Variants in FBXL5 observed in about 807,000 individuals in gnomAD.
FBXL5 encodes F-box and leucine rich repeat protein 5, also known as F-box/LRR-repeat protein 5.
A neutral mutation model predicts 78.3 loss-of-function variants in FBXL5; 26 were observed. The observed-to-expected ratio is 0.33, with a 90% CI of 0.24 to 0.46. The LOEUF (loss-of-function observed/expected upper bound fraction) is 0.46, where lower values mean the gene tolerates loss of function less well. Ranked by LOEUF, FBXL5 falls within the 20% of genes least tolerant of loss-of-function variation. FBXL5 has a pLI of 1.00. For missense variants in FBXL5, 710 were observed against 829.2 expected, an observed-to-expected ratio of 0.86 and a Z score of 1.77; for synonymous variants, 295 against 282.5, an observed-to-expected ratio of 1.04 and a Z score of -0.45.
chr4:15,681,550 GTC>G (rs1718275466), exon 1 of FBXL5: 1 of 154,616 alleles, frequency 6.5e-6, no homozygotes, highest in Non-Finnish European at 1.5e-5. Flanking sequence ...TCTCCGCGGT[GTC>G]TCCTAGGGTT....
chr4:15,673,800 C>G (rs1717858231), intron 1 of FBXL5, among the ~76,000 whole-genome samples: 1 of 152,154 alleles, frequency 6.6e-6, no homozygotes, highest in African/African-American at 2.4e-5. Context: ...TCACCAGGCT[C>G]CAGGCTCTAT....
At chr4:15,668,672 TA>T (rs1205973899) in intron 1 of FBXL5, among the ~76,000 whole-genome samples, 1 of 152,118 alleles carries the variant, frequency 6.6e-6, no homozygotes, top group African/African-American at 2.4e-5. Flanking sequence ...TCTTCAAAAT[TA>T]AAAAAGCTAT....
intron 1 of FBXL5, among the ~76,000 whole-genome samples, chr4:15,672,675 G>A (rs1717814933): frequency 6.6e-6 from 1 of 152,146 alleles, no homozygotes; most frequent in Non-Finnish European, 1.5e-5. Context: ...GAAAGTGAAG[G>A]CCTAGGACAT....
chr4:15,616,589 G>A (rs1467643846), intron 9 of FBXL5, among the ~76,000 whole-genome samples: 1 of 152,158 alleles, frequency 6.6e-6, no homozygotes, highest in Non-Finnish European at 1.5e-5. Context: ...CCATTCAATT[G>A]AAACTGTTAC....
chr4:15,655,039 G>GGGCA (rs1560242752), intron 1 of FBXL5, among the ~76,000 whole-genome samples, 165 bp downstream of exon 1: 1 of 150,894 alleles, frequency 6.6e-6, no homozygotes, highest in Non-Finnish European at 1.5e-5. Context: ...CGCAGCGGGC[G>GGGCA]GGCAGGCTGC....
rs1286209838 is a variant in FBXL5 at position 15,625,287 on chromosome 4, T to C, written c.1815A>G (p.Leu605=). Residue 605 remains leucine, a synonymous_variant, in exon 9 of 11, where the codon TTA becomes TTG. Coordinates refer to ENST00000341285, the MANE Select transcript of FBXL5 (RefSeq NM_012161.4). ...ETGRVLLFLS[L]SGCYQITDHG... is the part of the protein sequence containing the mutation. ...GGTCTGTGATCTGATAACATCCAGA[T>C]AAACTGAGAAACAGAAGTACACGTC... is the stretch of plus-strand genomic sequence containing the variant. The C allele has an allele frequency of 6.2e-7, 1 of 1,613,694 alleles. No homozygotes were observed. The highest frequency in any genetic ancestry group is 8.5e-7 in the Non-Finnish European group (1 of 1,179,746).
chr4:15,605,458 A>G lies in FBXL5; in HGVS notation c.*265T>C, dbSNP rs1340732364. The G allele has an allele frequency of 1.4e-5, 5 of 350,760 alleles. No homozygotes were observed. The highest frequency in any genetic ancestry group is 2.1e-5 in the Non-Finnish European group (4 of 188,450). The allele number at this position is 350,760 out of a possible 1,614,324, so 21.7% of individuals were successfully genotyped here. On this transcript the variant is annotated 3_prime_UTR_variant, in exon 11 of 11. Transcript: ENST00000341285. The stretch of plus-strand genomic sequence containing the variant: ...TGACATGGCATTACCAACATTCTTT[A>G]AAGCATTTCATTTAAAAGAAAAATG...
In FBXL5 at chr4:15,612,340, G is replaced by A; in HGVS notation, c.1925C>T (p.Ala642Val). The A allele has an allele frequency of 6.2e-7, 1 of 1,612,750 alleles. No individual in the cohort carries two copies. The change falls in exon 10 of 11, where the codon GCA (alanine) becomes GTA (valine). Residue 642 changes from alanine (A) to valine (V), a missense_variant. This residue lies in a region of FBXL5 where 58 missense variants were observed against 112.3 expected (regional missense o/e 0.52). Coordinates refer to ENST00000341285, the MANE Select transcript of FBXL5 (RefSeq NM_012161.4). ...TGCTGAAACCAAATCCTGCAGGCCT[G>A]CACCAGTTATAGTAAGACAACCAGA... ...NLSGCLTITGAGLQDLVSACP... is the reference protein window; with the variant it reads ...NLSGCLTITGVGLQDLVSACP...
upstream of FBXL5, chr4:15,659,843 G>T: frequency 2.0e-6 from 1 of 507,864 alleles, no homozygotes; most frequent in Non-Finnish European, 2.5e-6. Context: ...CATGTGTATG[G>T]CCTGAGGGAA....
chr4:15,634,228 G>A (rs930954270), intron 5 of FBXL5, among the ~76,000 whole-genome samples: 3 of 151,802 alleles, frequency 2.0e-5, no homozygotes, highest in East Asian at 1.9e-4. Context: ...TCTGTCACCC[G>A]GATTGGAGTA....
chr4:15,644,480 T>C lies in FBXL5; in HGVS notation c.300+13A>G. 29 of 1,588,708 alleles carry C rather than the reference T, an allele frequency of 1.8e-5. No homozygotes were observed. Among genetic ancestry groups the C allele is most frequent in the Non-Finnish European group, 2.2e-5 (26 of 1,166,936 alleles). ...CAAGTTTTGACAGTTGAATATCCAT[T>C]TTTGCAACTTACCTTAACATTCTTC... On this transcript the variant is annotated intron_variant, in intron 2 of 10. Coordinates refer to ENST00000341285, the MANE Select transcript of FBXL5 (RefSeq NM_012161.4).
At chr4:15,667,422 AT>A (rs899537718) in intron 1 of FBXL5, among the ~76,000 whole-genome samples, 13 of 151,924 alleles carry the variant, frequency 8.6e-5, no homozygotes, top group African/African-American at 3.1e-4. Context: ...GGAAATATTC[AT>A]TTCATCCAAA....
At chr4:15,656,269 C>T (rs1288815707), upstream of FBXL5, 1 of 456,212 alleles carries the variant, frequency 2.2e-6, no homozygotes, top group African/African-American at 2.0e-5. Flanking sequence ...TCGCCTGGCC[C>T]TGGCCACAGA....
intron 1 of FBXL5, among the ~76,000 whole-genome samples, chr4:15,670,767 G>A (rs565611457): frequency 3.3e-5 from 5 of 151,970 alleles, no homozygotes; most frequent in Admixed American, 3.3e-4. Context: ...CAGACCATGG[G>A]TTTCTGGTCC....
intron 1 of FBXL5, among the ~76,000 whole-genome samples, chr4:15,675,033 C>T (rs1717931969): frequency 6.6e-6 from 1 of 151,184 alleles, no homozygotes; most frequent in Non-Finnish European, 1.5e-5. Context: ...CTAGGAATCA[C>T]GAAAAAAAAA....
upstream of FBXL5, among the ~76,000 whole-genome samples, chr4:15,664,765 G>C (rs923357273): frequency 6.6e-6 from 1 of 151,462 alleles, no homozygotes; most frequent in Non-Finnish European, 1.5e-5. Context: ...CACCATGTTG[G>C]CCAGGCTAGT....
Position 15,655,210 on chromosome 4 carries a change from G to A in FBXL5, c.78C>T (p.Cys26=). ...AGGCTCAGCGCTCCGTTACCTTGTC[G>A]CAGTAGAGCCCCACCAGCTGCTTCA... is the stretch of plus-strand genomic sequence containing the variant. ...WRMKQLVGLY[C]DKLSKTNFSN... is the part of the protein sequence containing the mutation. Residue 26 remains cysteine (C), a synonymous_variant, in exon 1 of 11, where the codon TGC becomes TGT. Transcript: ENST00000341285. 1 of 1,421,346 alleles carries A rather than the reference G, an allele frequency of 7.0e-7. No homozygotes were observed. The highest frequency in any genetic ancestry group is 9.4e-7 in the Non-Finnish European group (1 of 1,065,334). The allele number at this position is 1,421,346 out of a possible 1,614,324, so 88.0% of individuals were successfully genotyped here. A position where few individuals can be genotyped will look rare whatever the true frequency, so the allele number is the denominator to read the frequency against.
At chr4:15,654,447 A>T (rs1716566748) in intron 1 of FBXL5, among the ~76,000 whole-genome samples, 2 of 152,198 alleles carry the variant, frequency 1.3e-5, no homozygotes. Flanking sequence ...TGGTTCTCAC[A>T]GTTAAACCAA....
intron 1 of FBXL5, among the ~76,000 whole-genome samples, chr4:15,652,795 G>A (rs1239732258): frequency 1.3e-5 from 2 of 152,128 alleles, no homozygotes; most frequent in Non-Finnish European, 2.9e-5. Context: ...TGGGCATTCA[G>A]AGCCCAAATT....
Sources: allele counts gnomAD v4.1 joint callset (sites outside exome capture counted in the v4.1 genomes callset), GRCh38; gene constraint gnomAD v4.1.1; regional missense constraint gnomAD v4.1.1; transcripts MANE v1.5; gene names NCBI Gene and HGNC (gene_info 2026-07-23, HGNC 2026-07-21).